Variants in FSIP1 observed in about 807,000 individuals in gnomAD.
FSIP1 encodes the protein fibrous sheath interacting protein 1.
FSIP1 carries 65 observed loss-of-function variants against 60.9 expected under a neutral mutation model. That is an observed-to-expected ratio of 1.07 (90% CI 0.87 to 1.31). FSIP1 has a LOEUF of 1.31. FSIP1 is among the 40% of genes most tolerant of loss of function. The pLI is 0.00. For missense variants in FSIP1, 675 were observed against 665.5 expected, an observed-to-expected ratio of 1.01 and a Z score of -0.16; for synonymous variants, 209 against 221.2, an observed-to-expected ratio of 0.94 and a Z score of 0.49.
intron 10 of FSIP1, among the ~76,000 whole-genome samples, chr15:39,709,326 T>C (rs1286787281): frequency 2.0e-5 from 3 of 152,232 alleles, no homozygotes; most frequent in African/African-American, 7.2e-5. Flanking sequence ...AAGTTGGCCA[T>C]TTCCTATCAT....
At chr15:39,699,221 A>G (rs573497522) in intron 10 of FSIP1, among the ~76,000 whole-genome samples, 5 of 152,310 alleles carry the variant, frequency 3.3e-5, no homozygotes, top group African/African-American at 9.6e-5. Context: ...TTTAACTAGA[A>G]TTTTATCAGT....
chr15:39,683,987 C>T (rs938506841), intron 10 of FSIP1, among the ~76,000 whole-genome samples: 5 of 152,110 alleles, frequency 3.3e-5, no homozygotes, highest in Admixed American at 6.5e-5. Context: ...TTGGACAATT[C>T]GGCATAATAA....
At chr15:39,604,465 G>T (rs1360130443) in intron 11 of FSIP1, among the ~76,000 whole-genome samples, 3 of 152,120 alleles carry the variant, frequency 2.0e-5, no homozygotes, top group East Asian at 1.9e-4. Flanking sequence ...TAGAGAAAAT[G>T]ATCAACAGCA....
intron 2 of FSIP1, among the ~76,000 whole-genome samples, chr15:39,771,542 A>C (rs1254290672): frequency 6.6e-6 from 1 of 152,240 alleles, no homozygotes; most frequent in Non-Finnish European, 1.5e-5. Flanking sequence ...GAGCCAGGAC[A>C]TAAACCCAGC....
chr15:39,659,627 TAA>T (rs10648104), intron 10 of FSIP1, among the ~76,000 whole-genome samples: 4 of 138,008 alleles, frequency 2.9e-5, no homozygotes, highest in Admixed American at 7.2e-5. Flanking sequence ...GCTGTTATTT[TAA>T]AAAAAAAAAA....
intron 5 of FSIP1, among the ~76,000 whole-genome samples, chr15:39,757,956 G>C (rs1331249746): frequency 2.0e-5 from 3 of 152,070 alleles, no homozygotes; most frequent in Non-Finnish European, 1.5e-5. Context: ...TCTAAAAATT[G>C]AAGCTTTAAT....
intron 10 of FSIP1, among the ~76,000 whole-genome samples, chr15:39,641,589 A>G (rs1892372116): frequency 6.6e-6 from 1 of 152,202 alleles, no homozygotes; most frequent in South Asian, 2.1e-4. Context: ...TGTAAAACCG[A>G]CTTGATGTTC....
At chr15:39,633,256 A>C (rs1291868193) in intron 10 of FSIP1, among the ~76,000 whole-genome samples, 1 of 151,892 alleles carries the variant, frequency 6.6e-6, no homozygotes, top group East Asian at 1.9e-4. Context: ...CGTCCAGCTA[A>C]TTTTTGTATT....
chr15:39,658,670 G>A (rs1338285907), intron 10 of FSIP1, among the ~76,000 whole-genome samples: 7 of 152,142 alleles, frequency 4.6e-5, no homozygotes, highest in East Asian at 1.9e-4. Flanking sequence ...ATAGCAATAC[G>A]TAGCTCATCC....
In FSIP1 at chr15:39,694,458, T is replaced by G. The variant is rs183150239; in HGVS notation, c.1188+18986A>C. On this transcript the variant is annotated intron_variant, in intron 10 of 11. Coordinates refer to ENST00000350221, the MANE Select transcript of FSIP1 (RefSeq NM_152597.5). ...ATACACAAAATCCTCAGTCACTATGTAAGTTCATGACTTTATACATATTTA... is the reference window on the plus strand; with the variant it reads ...ATACACAAAATCCTCAGTCACTATGGAAGTTCATGACTTTATACATATTTA... 2.8e-3 allele frequency among the ~76,000 whole-genome samples: 426 copies of G among 152,340 alleles called. 1 individual carries two copies. Among genetic ancestry groups the G allele is most frequent in the Non-Finnish European group, 3.5e-3 (241 of 68,028 alleles).
intron 10 of FSIP1, among the ~76,000 whole-genome samples, chr15:39,664,482 C>T (rs1320555384): frequency 3.3e-5 from 5 of 152,150 alleles, no homozygotes; most frequent in African/African-American, 7.2e-5. Flanking sequence ...CAGCAATCAA[C>T]CTGTAGCCAA....
chr15:39,722,546 C>T (rs1024635689), intron 9 of FSIP1, among the ~76,000 whole-genome samples: 1 of 152,102 alleles, frequency 6.6e-6, no homozygotes, highest in African/African-American at 2.4e-5. Flanking sequence ...ATCCCTCTGC[C>T]TCCTTCCCTA....
intron 10 of FSIP1, among the ~76,000 whole-genome samples, chr15:39,642,909 A>G (rs1892436411): frequency 6.6e-6 from 1 of 152,204 alleles, no homozygotes; most frequent in African/African-American, 2.4e-5. Context: ...GTTGTACTAT[A>G]ATTTTTTCCC....
At position 39,686,153 on chromosome 15, in the gene FSIP1, G is replaced by A. The variant is rs1894365672; in HGVS notation, c.1188+27291C>T. Among the ~76,000 whole-genome samples, 3 of 152,092 alleles carry A rather than the reference G, an allele frequency of 2.0e-5. No homozygotes were observed. In the South Asian group the frequency reaches 6.2e-4, roughly 32 times the overall value. ...TCACCACCTATAAGGGGATTCTCTA[G>A]GAAACCCACCACGGGTACCCAATTT... On this transcript the variant is annotated intron_variant, in intron 10 of 11. Transcript: ENST00000350221.
intron 10 of FSIP1, among the ~76,000 whole-genome samples, chr15:39,641,043 T>C (rs189720660): frequency 1.8e-4 from 27 of 152,304 alleles, no homozygotes; most frequent in African/African-American, 6.5e-4. Flanking sequence ...CTGCAAAGAA[T>C]ACTAACTTAT....
At position 39,617,888 on chromosome 15, in the gene FSIP1, T is replaced by G; in HGVS notation, c.1546A>C (p.Ser516Arg). The change falls in exon 11 of 12, where the codon AGT (serine) becomes CGT (arginine). Residue 516 changes from serine to arginine, a missense_variant. By Grantham distance (110) the Ser-to-Arg change is moderately radical (BLOSUM62 -1). Transcript: ENST00000350221. ...CLQFSKDVII[S>R]DTKDYFMSKT... ...GACATAAAATAGTCTTTTGTGTCAC[T>G]AATAATAACGTCCTTGGAAAATTGA... is the stretch of plus-strand genomic sequence containing the variant. The G allele has an allele frequency of 6.2e-7, 1 of 1,614,180 alleles. No individual in the cohort carries two copies.
At chr15:39,767,168 G>GA (rs1897719837) in intron 3 of FSIP1, among the ~76,000 whole-genome samples, 2 of 151,822 alleles carry the variant, frequency 1.3e-5, no homozygotes, top group Admixed American at 1.3e-4. Flanking sequence ...CCTCTTAGAG[G>GA]AAAAAAAGAA....
intron 10 of FSIP1, among the ~76,000 whole-genome samples, chr15:39,693,473 C>G (rs770439739): frequency 2.0e-5 from 3 of 152,162 alleles, no homozygotes; most frequent in Non-Finnish European, 2.9e-5. Flanking sequence ...TAAGTCTCTG[C>G]GAAGGAATCA....
chr15:39,659,970 T>C lies in FSIP1; in HGVS notation c.1189-41725A>G, dbSNP rs142049135. Among the ~76,000 whole-genome samples, 536 of 152,278 alleles carry C rather than the reference T, an allele frequency of 3.5e-3. 5 individuals are homozygous for C. The highest frequency in any genetic ancestry group is 0.012 in the African/African-American group (492 of 41,550). ...AATATGAAATAAACACAAGACTTAG[T>C]GTGACTTCTTTTTTACTTCTATCCC... On this transcript the variant is annotated intron_variant, in intron 10 of 11. Coordinates refer to ENST00000350221, the MANE Select transcript of FSIP1 (RefSeq NM_152597.5).
Sources: allele counts gnomAD v4.1 joint callset (sites outside exome capture counted in the v4.1 genomes callset), GRCh38; gene constraint gnomAD v4.1.1; transcripts MANE v1.5; gene names NCBI Gene and HGNC (gene_info 2026-07-23, HGNC 2026-07-21).